The following ZNF185 variants were observed in gnomAD, a reference collection of about 807,000 sequenced individuals.
The protein encoded by ZNF185 is zinc finger protein 185 with LIM domain.
ZNF185 carries 56 observed loss-of-function variants against 58.6 expected under a neutral mutation model. The observed-to-expected ratio is 0.95, with a 90% CI of 0.77 to 1.19. The LOEUF (loss-of-function observed/expected upper bound fraction) is 1.19. ZNF185 is among the 50% of genes most tolerant of loss of function. The pLI is 0.00. For synonymous variants in ZNF185, 230 were observed against 215.9 expected (o/e 1.07, Z -0.57); for missense variants, 627 against 573.5 (o/e 1.09, Z -0.95).
Position 152,959,999 on chromosome X carries a change from C to T in ZNF185, c.1607+103C>T, listed in dbSNP as rs1556909052. 6.0e-6 allele frequency: 5 copies of T among 828,742 alleles called. No individual in the cohort carries two copies. The African/African-American group carries it at 8.2e-5, about 14-fold the overall frequency. The allele number at this position is 828,742 out of a possible 1,213,427, so 68.3% of individuals were successfully genotyped here. On this transcript the variant is annotated intron_variant, in intron 17 of 22. Transcript: ENST00000449285. The stretch of plus-strand genomic sequence containing the variant: ...CCACACACTAGGCATGCCTGTTTAT[C>T]CTCTGCAGGTGAGTGTGGTTAGGAG...
intron 16 of ZNF185, among the ~76,000 whole-genome samples, chrX:152,957,138 G>T (rs193030827): frequency 2.6e-4 from 28 of 107,984 alleles, no homozygotes; most frequent in Admixed American, 2.6e-3. Context: ...CATGATCTCG[G>T]CTCACTGCAA....
chrX:152,945,402 A>G (rs782571317), exon 16 of ZNF185: 2 of 1,207,419 alleles, frequency 1.7e-6, no homozygotes, highest in Non-Finnish European at 2.2e-6. Flanking sequence ...CCAGCACCCC[A>G]GAGCGGCAGA....
exon 21 of ZNF185, chrX:152,969,423 G>A (rs376885854): frequency 2.2e-5 from 26 of 1,207,474 alleles, no homozygotes; most frequent in Non-Finnish European, 2.9e-5. Flanking sequence ...CGTGAGATCC[G>A]AGACTGTCCA....
intron 16 of ZNF185, among the ~76,000 whole-genome samples, chrX:152,955,674 C>T (rs918054934): frequency 8.9e-5 from 10 of 111,934 alleles, no homozygotes; most frequent in Admixed American, 7.5e-4. Flanking sequence ...GAGGCTGAGG[C>T]GGGCAGATCA....
At chrX:152,920,220 G>A (rs1939420187) in intron 7 of ZNF185, 108 bp from the exon 9 acceptor site, 1 of 679,218 alleles carries the variant, frequency 1.5e-6, no homozygotes, top group African/African-American at 2.2e-5. Context: ...CTCACCCCTT[G>A]CCTCCCTGGG....
rs140706837 is a variant in ZNF185, at chrX:152,938,680, C to T, written c.1211+517C>T. On this transcript the variant is annotated intron_variant, in intron 15 of 22. Coordinates refer to ENST00000449285, the Ensembl canonical transcript of ZNF185. ...CCTCTTGTACTGTGATATTGGAGTC[C>T]ACTGTGTGCACAGCCCTCTACTCAC... Among the ~76,000 whole-genome samples the T allele has an allele frequency of 4.6e-3, 515 of 110,792 alleles. 9 individuals carry two copies. The highest frequency in any genetic ancestry group is 0.02 in the East Asian group (71 of 3,519).
intron 16 of ZNF185, 100 bp downstream of exon 18, chrX:152,945,564 C>G (rs1270217090): frequency 1.1e-6 from 1 of 925,045 alleles, no homozygotes; most frequent in African/African-American, 2.0e-5. Flanking sequence ...TGTGCCAATA[C>G]CCGACACATT....
chrX:152,931,048 T>A (rs1479321599), intron 12 of ZNF185, among the ~76,000 whole-genome samples: 1 of 111,761 alleles, frequency 8.9e-6, no homozygotes, highest in Non-Finnish European at 1.9e-5. Flanking sequence ...GCATGGGTGA[T>A]AACAGTGCCC....
Position 152,922,719 on chromosome X carries a change from G to C in ZNF185, c.741-1G>C. 1 of 1,197,731 alleles carries C rather than the reference G, an allele frequency of 8.3e-7. No individual in the cohort carries two copies. ...CCTCTCACAGCCACCTTCTTTGCCAGTGCGGATGGAGGCAGGACCAAAGCG... is the reference window on the plus strand; with the variant it reads ...CCTCTCACAGCCACCTTCTTTGCCACTGCGGATGGAGGCAGGACCAAAGCG... On this transcript the variant is annotated splice_acceptor_variant, in intron 10 of 22. Coordinates refer to ENST00000449285, the Ensembl canonical transcript of ZNF185. LOFTEE classifies it high-confidence loss of function.
intron 19 of ZNF185, 76 bp from the exon 22 acceptor site, chrX:152,967,091 G>C: frequency 3.9e-6 from 4 of 1,023,771 alleles, no homozygotes; most frequent in Non-Finnish European, 5.4e-6. Context: ...GTGGCCAAAG[G>C]TTAATTAGAA....
chrX:152,910,495 C>G (rs974978886), upstream of ZNF185, among the ~76,000 whole-genome samples: 6 of 112,266 alleles, frequency 5.3e-5, no homozygotes, highest in African/African-American at 1.9e-4. Flanking sequence ...GTACACAATA[C>G]AGGTTTATAA....
chrX:152,936,724 C>A (rs1407396750), intron 14 of ZNF185, among the ~76,000 whole-genome samples: 1 of 110,416 alleles, frequency 9.1e-6, no homozygotes, highest in African/African-American at 3.3e-5. Context: ...GTCTGCTCAC[C>A]CAGAGAGCCC....
In ZNF185 at chrX:152,936,222, G is replaced by A. The variant is rs148516175; in HGVS notation, c.1122-1852G>A. ...AGATAGCAAAGCCATGATTTGCAAC[G>A]CCAGAGGGCAACCACTATGCCACAG... On this transcript the variant is annotated intron_variant, in intron 14 of 22. Transcript: ENST00000449285. 3.4e-3 allele frequency among the ~76,000 whole-genome samples: 386 copies of A among 112,824 alleles called. 3 individuals carry two copies. Among genetic ancestry groups the A allele is most frequent in the African/African-American group, 0.012 (368 of 31,021 alleles).
rs1405050499 is a variant in ZNF185, at chrX:152,936,403, G to A, written c.1122-1671G>A. On this transcript the variant is annotated intron_variant, in intron 14 of 22. Coordinates refer to ENST00000449285, the Ensembl canonical transcript of ZNF185. Reference sequence around the variant, plus strand: ...AAAGTCCTGAACCTGGACCAGGTCTGGCCTTCTTTCACAGGCTGTGTGCAG... The same window carrying A: ...AAAGTCCTGAACCTGGACCAGGTCTAGCCTTCTTTCACAGGCTGTGTGCAG... The A allele has an allele frequency of 8.6e-7, 1 of 1,161,186 alleles. No homozygotes were observed. Among genetic ancestry groups the A allele is most frequent in the Non-Finnish European group, 1.2e-6 (1 of 869,444 alleles).
upstream of ZNF185, among the ~76,000 whole-genome samples, chrX:152,909,549 G>A (rs190105365): frequency 1.8e-5 from 2 of 112,301 alleles, no homozygotes; most frequent in East Asian, 2.8e-4. Context: ...CCTGGGCCCC[G>A]TACATGTGTG....
At chrX:152,931,727 G>C in exon 13 of ZNF185, 2 of 1,210,750 alleles carry the variant, frequency 1.7e-6, no homozygotes, top group Non-Finnish European at 2.2e-6. Context: ...GCTCCAGAGG[G>C]ACTTGGCTGG....
At chrX:152,965,421 T>G (rs199980326) in intron 18 of ZNF185, 26 bp from the exon 21 acceptor site, 185 of 1,155,060 alleles carry the variant, frequency 1.6e-4, no homozygotes, top group Non-Finnish European at 2.1e-4. Flanking sequence ...GGTGTACCTC[T>G]GATTTCTTCT....
chrX:152,920,591 A>C (rs1556868979), intron 8 of ZNF185, 116 bp from the exon 10 acceptor site: 10 of 1,037,334 alleles, frequency 9.6e-6, no homozygotes. Context: ...GGCTACCACC[A>C]GGGACAGTGA....
the ZNF185 span, among the ~76,000 whole-genome samples, chrX:152,906,302 T>C: frequency 8.9e-6 from 1 of 112,436 alleles, no homozygotes; most frequent in East Asian, 2.8e-4. Context: ...CAGATGGGAG[T>C]ACTTATGTTT....
Sources: gnomAD v4.1 joint callset for allele counts (sites outside exome capture counted in the v4.1 genomes callset) on GRCh38, gnomAD v4.1.1 for gene constraint, MANE v1.5 for transcripts, NCBI Gene and HGNC (gene_info 2026-07-23, HGNC 2026-07-21) for gene names.